Variants in NRG1 observed in about 807,000 individuals in gnomAD.
The protein encoded by NRG1 is pro-neuregulin-1, membrane-bound isoform.
A neutral mutation model predicts 63.8 loss-of-function variants in NRG1; 18 were observed. The ratio of observed to expected loss-of-function variants is 0.28; its 90% CI spans 0.19 to 0.42. NRG1 has a LOEUF of 0.42. Among genes scored for constraint, NRG1 ranks in the 10% least tolerant of loss-of-function variants. The pLI is 1.00. For missense variants in NRG1, 762 were observed against 814.7 expected, an observed-to-expected ratio of 0.94 and a Z score of 0.79; for synonymous variants, 302 against 301.3, an observed-to-expected ratio of 1.00 and a Z score of -0.02.
chr8:31,767,146 AC>A (rs1421706055), intron 1 of NRG1, among the ~76,000 whole-genome samples: 1 of 152,098 alleles, frequency 6.6e-6, no homozygotes, highest in Non-Finnish European at 1.5e-5. Flanking sequence ...ATTCTTCATG[AC>A]CGCCATTGTG....
chr8:32,367,060 C>G (rs764731527), intron 1 of NRG1, among the ~76,000 whole-genome samples: 10 of 152,000 alleles, frequency 6.6e-5, no homozygotes, highest in Non-Finnish European at 1.3e-4. Flanking sequence ...TAGGTTGCTT[C>G]CATATCTTGG....
At chr8:32,047,001 C>A (rs1482405463) in intron 1 of NRG1, among the ~76,000 whole-genome samples, 4 of 152,056 alleles carry the variant, frequency 2.6e-5, no homozygotes, top group African/African-American at 9.7e-5. Flanking sequence ...CCATAGCAGG[C>A]AATGAATGGC....
intron 1 of NRG1, among the ~76,000 whole-genome samples, chr8:31,648,389 C>T (rs972616619): frequency 2.6e-5 from 4 of 152,088 alleles, no homozygotes; most frequent in African/African-American, 7.2e-5. Flanking sequence ...GTCTCGGCCT[C>T]CCAAAGTGCT....
At chr8:32,703,533 CA>C (rs1183592625) in intron 5 of NRG1, among the ~76,000 whole-genome samples, 13 of 120,056 alleles carry the variant, frequency 1.1e-4, no homozygotes, top group East Asian at 6.9e-4. Flanking sequence ...ACCCTGTCTA[CA>C]AAAAAAAAAG....
intron 1 of NRG1, among the ~76,000 whole-genome samples, chr8:32,319,176 C>T (rs1801092892): frequency 6.6e-6 from 1 of 152,142 alleles, no homozygotes; most frequent in African/African-American, 2.4e-5. Context: ...ACTTCTTCCC[C>T]AACACACATT....
intron 5 of NRG1, among the ~76,000 whole-genome samples, chr8:32,705,824 C>T (rs1266964825): frequency 6.6e-6 from 1 of 152,176 alleles, no homozygotes; most frequent in East Asian, 1.9e-4. Context: ...TGAAGTTAAA[C>T]CCTACCTGCC....
intron 1 of NRG1, among the ~76,000 whole-genome samples, chr8:32,504,833 A>G (rs1480700388): frequency 6.6e-6 from 1 of 152,130 alleles, no homozygotes; most frequent in Non-Finnish European, 1.5e-5. Context: ...TTTTTTCTTG[A>G]CATAATAATT....
intron 1 of NRG1, among the ~76,000 whole-genome samples, chr8:31,969,266 G>C (rs781153357): frequency 1.3e-5 from 2 of 152,110 alleles, no homozygotes; most frequent in Non-Finnish European, 2.9e-5. Context: ...TACGTTGCAT[G>C]ATAACCTCAG....
chr8:32,713,951 A>G (rs1402442657), intron 5 of NRG1, among the ~76,000 whole-genome samples: 1 of 151,778 alleles, frequency 6.6e-6, no homozygotes, highest in Non-Finnish European at 1.5e-5. Context: ...CAGCCTCCCC[A>G]GTAGCTGGGA....
chr8:32,533,706 T>C (rs1831681427), intron 1 of NRG1, among the ~76,000 whole-genome samples: 1 of 152,072 alleles, frequency 6.6e-6, no homozygotes, highest in South Asian at 2.1e-4. Context: ...AAAATTTCAA[T>C]GTACCTGCCA....
intron 1 of NRG1, among the ~76,000 whole-genome samples, chr8:32,265,540 C>T (rs917815867): frequency 6.6e-6 from 1 of 151,926 alleles, no homozygotes; most frequent in Non-Finnish European, 1.5e-5. Flanking sequence ...TTTAAAAATA[C>T]AATAAAAACT....
At chr8:31,847,775 A>G (rs1189093007) in intron 1 of NRG1, among the ~76,000 whole-genome samples, 1 of 152,220 alleles carries the variant, frequency 6.6e-6, no homozygotes, top group Non-Finnish European at 1.5e-5. Context: ...TTATTTGTGA[A>G]TGTCTAATTT....
At chr8:31,681,055 A>T (rs560157990) in intron 1 of NRG1, among the ~76,000 whole-genome samples, 77 of 152,238 alleles carry the variant, frequency 5.1e-4, no homozygotes, top group African/African-American at 1.7e-3. Context: ...ATTCTTTATA[A>T]AGACTTGACT....
chr8:32,285,790 G>A (rs74516629), intron 1 of NRG1, among the ~76,000 whole-genome samples: 16,186 of 152,156 alleles, frequency 0.11, 1,113 homozygotes, highest in Non-Finnish European at 0.15. Context: ...AAAGCTGTCT[G>A]GATTCTTGCT....
At position 32,575,379 on chromosome 8, in the gene NRG1, G is replaced by T. The variant is rs1269291382; in HGVS notation, c.101-20449G>T. On this transcript the variant is annotated intron_variant, in intron 1 of 11. Transcript: ENST00000356819. The stretch of plus-strand genomic sequence containing the variant: ...TAGTTGACTAATTACTAGTTCATCG[G>T]CTCTGCTTATTGCCTAATACTATAA... Among the ~76,000 whole-genome samples the T allele has an allele frequency of 5.3e-5, 8 of 151,710 alleles. No individual in the cohort carries two copies. In the South Asian group the frequency reaches 1.7e-3, roughly 32 times the overall value.
At chr8:32,218,433 T>A (rs1845471471) in intron 1 of NRG1, among the ~76,000 whole-genome samples, 1 of 152,172 alleles carries the variant, frequency 6.6e-6, no homozygotes, top group South Asian at 2.1e-4. Context: ...CCTCTTCTGG[T>A]TCTGGGGCTG....
At chr8:32,175,533 A>T (rs1016382581) in intron 1 of NRG1, among the ~76,000 whole-genome samples, 2 of 152,190 alleles carry the variant, frequency 1.3e-5, no homozygotes, top group African/African-American at 4.8e-5. Flanking sequence ...TCAAAGATGA[A>T]GTCAAATTGT....
intron 5 of NRG1, among the ~76,000 whole-genome samples, chr8:32,638,280 G>A (rs371743856): frequency 1.3e-4 from 20 of 152,096 alleles, no homozygotes; most frequent in African/African-American, 3.9e-4. Context: ...AAACCTGCAC[G>A]TTGTGCACAT....
intron 5 of NRG1, among the ~76,000 whole-genome samples, chr8:32,684,097 C>T (rs1373078418): frequency 1.3e-5 from 2 of 151,964 alleles, no homozygotes; most frequent in African/African-American, 2.4e-5. Context: ...CTCCGGGAGG[C>T]GGAGGTTGCA....
Sources: allele counts gnomAD v4.1 joint callset (sites outside exome capture counted in the v4.1 genomes callset), GRCh38; gene constraint gnomAD v4.1.1; transcripts MANE v1.5; gene names NCBI Gene and HGNC (gene_info 2026-07-23, HGNC 2026-07-21).